SPIDR: variants seen among roughly 807,000 people sequenced by gnomAD.
The protein encoded by SPIDR is DNA repair-scaffolding protein.
In SPIDR, 93 loss-of-function variants were observed where a neutral mutation model predicts 104.6. That is an observed-to-expected ratio of 0.89 (90% CI 0.75 to 1.06). SPIDR has a LOEUF of 1.06. Ranked by LOEUF, SPIDR falls within the 50% of genes least tolerant of loss-of-function variation. SPIDR has a pLI of 0.00. For missense variants in SPIDR, 1,154 were observed against 1,111.2 expected, an observed-to-expected ratio of 1.04 and a Z score of -0.55; for synonymous variants, 431 against 416.9, an observed-to-expected ratio of 1.03 and a Z score of -0.41.
rs1428027208 is a variant in SPIDR at position 47,391,897 on chromosome 8, G to A, written c.526-4479G>A. ...TGTAGTCCCAGCTACTCGGGAGGCT[G>A]AGGCAGGAGAACGGCGTGAACCTGG... On this transcript the variant is annotated intron_variant, in intron 5 of 19. Transcript: ENST00000297423. 2.0e-5 allele frequency among the ~76,000 whole-genome samples: 3 copies of A among 151,258 alleles called. No individual in the cohort carries two copies. In the East Asian group the frequency reaches 5.9e-4, roughly 30 times the overall value.
At chr8:47,711,342 A>C (rs1028795561) in intron 14 of SPIDR, among the ~76,000 whole-genome samples, 7 of 151,744 alleles carry the variant, frequency 4.6e-5, no homozygotes, top group African/African-American at 1.7e-4. Flanking sequence ...GGGTTTTTTT[A>C]GTTTTAGTTT....
intron 7 of SPIDR, among the ~76,000 whole-genome samples, chr8:47,438,742 C>G (rs1177093607): frequency 5.3e-5 from 8 of 150,088 alleles, no homozygotes; most frequent in African/African-American, 2.0e-4. Context: ...GAAATAGTTG[C>G]CTTAAGAAAT....
intron 6 of SPIDR, among the ~76,000 whole-genome samples, chr8:47,399,305 G>C (rs2061581858): frequency 6.6e-6 from 1 of 152,200 alleles, no homozygotes; most frequent in Non-Finnish European, 1.5e-5. Context: ...CCCATGGCCA[G>C]GGCGGGCAGC....
At chr8:47,334,702 T>G (rs1290114156) in intron 5 of SPIDR, among the ~76,000 whole-genome samples, 1 of 152,216 alleles carries the variant, frequency 6.6e-6, no homozygotes, top group African/African-American at 2.4e-5. Context: ...TCTTGTTTTT[T>G]ATTGCATTTT....
chr8:47,648,991 G>A (rs2071090620), intron 10 of SPIDR, among the ~76,000 whole-genome samples: 1 of 152,162 alleles, frequency 6.6e-6, no homozygotes, highest in Admixed American at 6.5e-5. Context: ...GTAACTTATA[G>A]TTGAGAAGCC....
chr8:47,282,259 A>T (rs1440021608), intron 2 of SPIDR, among the ~76,000 whole-genome samples: 1 of 152,262 alleles, frequency 6.6e-6, no homozygotes. Context: ...TAATGTTACC[A>T]GTTGCATTAG....
intron 5 of SPIDR, among the ~76,000 whole-genome samples, chr8:47,336,884 C>T (rs1470766869): frequency 6.6e-6 from 1 of 152,054 alleles, no homozygotes; most frequent in African/African-American, 2.4e-5. Context: ...TTCTGCATTC[C>T]CACTAGAAAT....
chr8:47,268,809 C>A (rs1165304247), intron 1 of SPIDR, among the ~76,000 whole-genome samples: 3 of 152,048 alleles, frequency 2.0e-5, no homozygotes, highest in African/African-American at 7.2e-5. Flanking sequence ...TTGCTGAACT[C>A]ATTTATTGGT....
intron 6 of SPIDR, among the ~76,000 whole-genome samples, chr8:47,406,203 T>C (rs970692931): frequency 4.6e-5 from 7 of 152,138 alleles, no homozygotes; most frequent in African/African-American, 1.7e-4. Context: ...TTATTGTGCA[T>C]ATCATTTTAA....
intron 8 of SPIDR, among the ~76,000 whole-genome samples, chr8:47,555,368 T>G (rs533023863): frequency 2.4e-4 from 37 of 152,334 alleles, no homozygotes; most frequent in Admixed American, 2.0e-3. Flanking sequence ...TGTTGCATAC[T>G]GTAGAGATTC....
intron 5 of SPIDR, among the ~76,000 whole-genome samples, chr8:47,376,232 C>T (rs918333850): frequency 9.2e-5 from 14 of 152,168 alleles, no homozygotes; most frequent in African/African-American, 1.7e-4. Context: ...GATGAGATCA[C>T]GTGCCAAGTA....
intron 6 of SPIDR, among the ~76,000 whole-genome samples, chr8:47,405,292 G>GTA (rs1554666623): frequency 1.8e-5 from 1 of 56,034 alleles, no homozygotes; most frequent in Admixed American, 1.9e-4. Flanking sequence ...AACATGGCAC[G>GTA]TGTGTGTGTG....
chr8:47,424,947 TACAGACATTA>T (rs2066183179), intron 7 of SPIDR, among the ~76,000 whole-genome samples: 1 of 152,196 alleles, frequency 6.6e-6, no homozygotes, highest in Non-Finnish European at 1.5e-5. Context: ...GTGCTAGAAT[TACAGACATTA>T]ACCACCTTGC....
At chr8:47,545,270 A>G (rs1237734480) in intron 8 of SPIDR, among the ~76,000 whole-genome samples, 3 of 151,746 alleles carry the variant, frequency 2.0e-5, no homozygotes, top group East Asian at 1.9e-4. Context: ...GGGTTTCACT[A>G]TATTGGCCAG....
chr8:47,289,502 A>G lies in SPIDR; in HGVS notation c.257-1531A>G, dbSNP rs980119179. On this transcript the variant is annotated intron_variant, in intron 3 of 19. Transcript: ENST00000297423. ...TAGGTATATATTCCTTTTCTGACCAATATCAGAAAAGTTTGCTGTTGACTT... is the reference window on the plus strand; with the variant it reads ...TAGGTATATATTCCTTTTCTGACCAGTATCAGAAAAGTTTGCTGTTGACTT... Among the ~76,000 whole-genome samples the G allele has an allele frequency of 3.9e-4, 59 of 152,250 alleles. 2 individuals carry two copies. The South Asian group carries it at 0.012, about 32-fold the overall frequency.
chr8:47,396,700 A>C, intron 6 of SPIDR, 74 bp downstream of exon 6: 2 of 1,400,670 alleles, frequency 1.4e-6, no homozygotes, highest in Admixed American at 4.5e-5. Flanking sequence ...CTAAAATGTT[A>C]ATTTTAAGAT....
intron 1 of SPIDR, among the ~76,000 whole-genome samples, chr8:47,277,426 C>T (rs956063896): frequency 5.9e-5 from 9 of 151,472 alleles, no homozygotes; most frequent in Non-Finnish European, 5.9e-5. Context: ...AGAACTGTGG[C>T]GTGATTATAG....
chr8:47,464,627 C>T (rs906568328), intron 8 of SPIDR, among the ~76,000 whole-genome samples: 1 of 152,130 alleles, frequency 6.6e-6, no homozygotes, highest in Non-Finnish European at 1.5e-5. Context: ...TCTGGAATCC[C>T]AGGAGGCAAA....
chr8:47,295,080 G>A (rs2040597335), intron 5 of SPIDR, among the ~76,000 whole-genome samples: 1 of 151,990 alleles, frequency 6.6e-6, no homozygotes, highest in East Asian at 1.9e-4. Flanking sequence ...AGTATATTCT[G>A]CAGCTAATAC....
Sources: gnomAD v4.1 joint callset for allele counts (sites outside exome capture counted in the v4.1 genomes callset) on GRCh38, gnomAD v4.1.1 for gene constraint, MANE v1.5 for transcripts, NCBI Gene and HGNC (gene_info 2026-07-23, HGNC 2026-07-21) for gene names.